The following CAPS2 variants were observed in gnomAD, a reference collection of about 807,000 sequenced individuals.
CAPS2 encodes the protein calcyphosin-2.
In CAPS2, 98 loss-of-function variants were observed where a neutral mutation model predicts 86.5. That is an observed-to-expected ratio of 1.13 (90% CI 0.96 to 1.34). The LOEUF (loss-of-function observed/expected upper bound fraction) is 1.34. Ranked by LOEUF, CAPS2 falls within the 40% of genes most tolerant of loss-of-function variation. The probability of loss-of-function intolerance (pLI) is 0.00; values close to 1 mark genes in which losing one functional copy is unlikely to be tolerated. For missense variants in CAPS2, 729 were observed against 686.8 expected (o/e 1.06, Z -0.69); for synonymous variants, 210 against 225.1 (o/e 0.93, Z 0.60).
intron 7 of CAPS2, among the ~76,000 whole-genome samples, chr12:75,309,646 G>T (rs2138753840): frequency 6.6e-6 from 1 of 152,302 alleles, no homozygotes; most frequent in African/African-American, 2.4e-5. Context: ...AAGAACTTAT[G>T]AATTTATTGA....
intron 1 of CAPS2, among the ~76,000 whole-genome samples, chr12:75,383,356 A>G (rs1301074211): frequency 6.6e-6 from 1 of 152,182 alleles, no homozygotes; most frequent in Non-Finnish European, 1.5e-5. Flanking sequence ...CTAGCTTTAC[A>G]ACACTAATCA....
At chr12:75,314,908 A>C (rs1181707759) in intron 6 of CAPS2, among the ~76,000 whole-genome samples, 1 of 152,166 alleles carries the variant, frequency 6.6e-6, no homozygotes, top group Non-Finnish European at 1.5e-5. Context: ...ACACTGATGG[A>C]AGGATCTGTC....
intron 1 of CAPS2, among the ~76,000 whole-genome samples, chr12:75,340,048 A>G (rs1388723174): frequency 1.3e-5 from 2 of 151,972 alleles, no homozygotes; most frequent in Non-Finnish European, 2.9e-5. Context: ...AATGGTCTCC[A>G]ACTCCATCCA....
chr12:75,352,771 T>C (rs148849063), intron 1 of CAPS2, among the ~76,000 whole-genome samples: 86 of 152,224 alleles, frequency 5.6e-4, no homozygotes, highest in African/African-American at 2.0e-3. Flanking sequence ...CCTCAGCAAA[T>C]GCAAAAGAAC....
chr12:75,371,870 T>C (rs910775636), intron 1 of CAPS2, among the ~76,000 whole-genome samples: 1 of 152,234 alleles, frequency 6.6e-6, no homozygotes, highest in East Asian at 1.9e-4. Flanking sequence ...TGGTTGTATT[T>C]ATGACTACCT....
intron 1 of CAPS2, chr12:75,390,706 A>C: frequency 6.7e-6 from 3 of 449,768 alleles, no homozygotes; most frequent in Non-Finnish European, 1.4e-5. Flanking sequence ...AAGGTTCCTC[A>C]GACCTGTTAC....
intron 8 of CAPS2, among the ~76,000 whole-genome samples, chr12:75,301,392 C>T (rs555753073): frequency 9.9e-5 from 15 of 152,254 alleles, no homozygotes; most frequent in Non-Finnish European, 2.1e-4. Flanking sequence ...GGAGTGTAAC[C>T]ATCTCAATTC....
rs1329623081 is a variant in CAPS2, at chr12:75,316,435, C to T, written c.469-1G>A. On this transcript the variant is annotated splice_acceptor_variant, in intron 5 of 16. Transcript: ENST00000393284. LOFTEE classifies it high-confidence loss of function. ...TGTTGGCTTCTTCATCTTGCACACA[C>T]TATGCATGAAAGAAATAAATGAAGC... The T allele has an allele frequency of 2.0e-6, 3 of 1,537,454 alleles. No individual in the cohort carries two copies. The Admixed American group carries it at 6.2e-5, about 32-fold the overall frequency.
In CAPS2 at chr12:75,311,935, G is replaced by C. The variant is rs144951386; in HGVS notation, c.659+913C>G. Among the ~76,000 whole-genome samples, 557 of 152,052 alleles carry C rather than the reference G, an allele frequency of 3.7e-3. 1 individual carries two copies. The highest frequency in any genetic ancestry group is 0.012 in the African/African-American group (507 of 41,484). Reference sequence around the variant, plus strand: ...GAAGGAGGGACATGGGAGACTCTAGGTATAATTATTTCAAAGAATTTACTG... The same window carrying C: ...GAAGGAGGGACATGGGAGACTCTAGCTATAATTATTTCAAAGAATTTACTG... On this transcript the variant is annotated intron_variant, in intron 7 of 16. Transcript: ENST00000393284.
rs183759105 is a variant in CAPS2 at position 75,317,219 on chromosome 12, G to A, written c.469-785C>T. Among the ~76,000 whole-genome samples the A allele has an allele frequency of 2.4e-3, 360 of 152,164 alleles. 13 individuals are homozygous for A. The highest frequency in any genetic ancestry group is 0.023 in the Admixed American group (348 of 15,270). ...CTGTCATTTTTATTGCTGTATCGCTGGTGGCAGAACAGGATAACACAAAGT... is the reference window on the plus strand; with the variant it reads ...CTGTCATTTTTATTGCTGTATCGCTAGTGGCAGAACAGGATAACACAAAGT... On this transcript the variant is annotated intron_variant, in intron 5 of 16. Coordinates refer to ENST00000393284, the Ensembl canonical transcript of CAPS2.
chr12:75,309,830 C>G (rs144744540), intron 7 of CAPS2, among the ~76,000 whole-genome samples: 2 of 152,106 alleles, frequency 1.3e-5, no homozygotes, highest in African/African-American at 4.8e-5. Flanking sequence ...AAAGTGGCAC[C>G]TATTCTATTC....
At chr12:75,373,223 G>A (rs1187811457) in intron 1 of CAPS2, among the ~76,000 whole-genome samples, 1 of 152,160 alleles carries the variant, frequency 6.6e-6, no homozygotes, top group Non-Finnish European at 1.5e-5. Context: ...TGGCAACTTT[G>A]TTCATGAGCC....
intron 1 of CAPS2, among the ~76,000 whole-genome samples, chr12:75,350,942 G>C (rs1391843858): frequency 6.6e-6 from 1 of 152,104 alleles, no homozygotes; most frequent in Non-Finnish European, 1.5e-5. Flanking sequence ...AAGAAGCTAA[G>C]AACCATGATA....
At chr12:75,358,476 A>G (rs1182692572) in intron 1 of CAPS2, among the ~76,000 whole-genome samples, 1 of 151,392 alleles carries the variant, frequency 6.6e-6, no homozygotes, top group Non-Finnish European at 1.5e-5. Context: ...GATTATCTCA[A>G]TAGATTCAGA....
At chr12:75,291,579 A>ATATATATAGCTTATTTTTAAAAG (rs1440050449) in intron 13 of CAPS2, among the ~76,000 whole-genome samples, 165 bp downstream of exon 13, 8 of 64,118 alleles carry the variant, frequency 1.2e-4, no homozygotes, top group African/African-American at 3.3e-4. Flanking sequence ...ATATATATAT[A>ATATATATAGCTTATTTTTAAAAG]TATATATATA....
At chr12:75,293,157 T>A (rs1053652951) in intron 12 of CAPS2, 92 bp downstream of exon 12, 12 of 796,448 alleles carry the variant, frequency 1.5e-5, no homozygotes, top group Non-Finnish European at 2.5e-5. Context: ...TTAATGAAGT[T>A]ATAAATACCT....
intron 1 of CAPS2, among the ~76,000 whole-genome samples, chr12:75,346,063 T>C (rs556735971): frequency 6.6e-5 from 10 of 152,330 alleles, no homozygotes; most frequent in African/African-American, 1.4e-4. Flanking sequence ...CCAATGTTCA[T>C]ATTAATATTA....
chr12:75,332,946 A>T (rs969604405), upstream of CAPS2, among the ~76,000 whole-genome samples: 1 of 152,244 alleles, frequency 6.6e-6, no homozygotes, highest in African/African-American at 2.4e-5. Flanking sequence ...TATAAAGAGC[A>T]CTGCAGGCAA....
At chr12:75,285,023 C>T in exon 15 of CAPS2, 3 of 1,610,522 alleles carry the variant, frequency 1.9e-6, no homozygotes, top group Non-Finnish European at 2.5e-6. Flanking sequence ...TTGAATTCTC[C>T]ATAATCAACC....
Sources: gnomAD v4.1 joint callset for allele counts (sites outside exome capture counted in the v4.1 genomes callset) on GRCh38, gnomAD v4.1.1 for gene constraint, MANE v1.5 for transcripts, NCBI Gene and HGNC (gene_info 2026-07-23, HGNC 2026-07-21) for gene names.